The following STK3 variants were observed in gnomAD, a reference collection of about 807,000 sequenced individuals.
The protein encoded by STK3 is serine/threonine-protein kinase 3.
STK3 carries 41 observed loss-of-function variants against 58.0 expected under a neutral mutation model. The observed-to-expected ratio is 0.71, with a 90% CI of 0.55 to 0.92. The LOEUF (loss-of-function observed/expected upper bound fraction) is 0.92, where lower values mean the gene tolerates loss of function less well. Ranked by LOEUF, STK3 falls within the 40% of genes least tolerant of loss-of-function variation. STK3 has a pLI of 0.00. For synonymous variants in STK3, 170 were observed against 191.0 expected, an observed-to-expected ratio of 0.89 and a Z score of 0.91; for missense variants, 479 against 602.7, an observed-to-expected ratio of 0.79 and a Z score of 2.15.
intron 1 of STK3, among the ~76,000 whole-genome samples, chr8:98,912,819 A>G (rs1346067469): frequency 6.6e-6 from 1 of 152,256 alleles, no homozygotes; most frequent in Non-Finnish European, 1.5e-5. Flanking sequence ...AACTCCAGCC[A>G]GGTAACCAGG....
At chr8:98,611,267 A>G (rs1817171932) in intron 6 of STK3, among the ~76,000 whole-genome samples, 1 of 152,186 alleles carries the variant, frequency 6.6e-6, no homozygotes, top group African/African-American at 2.4e-5. Context: ...ATTAGGATTA[A>G]GAAAATCAAA....
rs1410043382 is a variant in STK3, at chr8:98,611,833, T to C, written c.685-15664A>G. On this transcript the variant is annotated intron_variant, in intron 6 of 10. Transcript: ENST00000419617. Reference sequence around the variant, plus strand: ...ATATGAGTGTAAGGTGTATCAAGGGTCAAAGATCACTGCATGAATCAAACA... The same window carrying C: ...ATATGAGTGTAAGGTGTATCAAGGGCCAAAGATCACTGCATGAATCAAACA... Among the ~76,000 whole-genome samples, 5 of 152,132 alleles carry C rather than the reference T, an allele frequency of 3.3e-5. No homozygotes were observed. The East Asian group carries it at 7.7e-4, about 23-fold the overall frequency.
At chr8:98,811,545 GA>G (rs34121224) in intron 1 of STK3, among the ~76,000 whole-genome samples, 92,107 of 128,586 alleles carry the variant, frequency 0.72, 30,234 homozygotes, top group Middle Eastern at 0.79. Context: ...AAAGAAAAAA[GA>G]AAAAAAAAAA....
chr8:98,717,312 GA>G (rs1355144646), intron 4 of STK3, among the ~76,000 whole-genome samples: 3 of 151,712 alleles, frequency 2.0e-5, no homozygotes, highest in African/African-American at 7.2e-5. Context: ...AATATATAGA[GA>G]ACTCCTAAAA....
downstream of STK3, among the ~76,000 whole-genome samples, chr8:98,451,900 A>AAC (rs1819217742): frequency 1.9e-5 from 1 of 53,078 alleles, no homozygotes; most frequent in African/African-American, 5.7e-5. Context: ...AAAAAAAAAC[A>AAC]AAAAAAAAAA....
chr8:98,703,033 A>G (rs751504812), intron 6 of STK3, among the ~76,000 whole-genome samples: 2 of 152,230 alleles, frequency 1.3e-5, no homozygotes, highest in Non-Finnish European at 2.9e-5. Flanking sequence ...TCATTAGCCT[A>G]TATGTCTACC....
In STK3 at chr8:98,571,917, ACTC is replaced by A. The variant is rs1812999399; in HGVS notation, c.948+7744_948+7746del. On this transcript the variant is annotated intron_variant, in intron 8 of 10. Transcript: ENST00000419617. ...CTCCAGTGACAAGCAATTCTTCTAA[ACTC>A]CTTATCAGTCTTTTAAAGTGCTTTA... 2.6e-5 allele frequency among the ~76,000 whole-genome samples: 4 copies of A among 152,104 alleles called. No individual in the cohort carries two copies. In the South Asian group the frequency reaches 8.3e-4, roughly 32 times the overall value.
At chr8:98,695,458 T>C (rs1185336025) in intron 6 of STK3, among the ~76,000 whole-genome samples, 6 of 152,322 alleles carry the variant, frequency 3.9e-5, no homozygotes, top group African/African-American at 1.4e-4. Context: ...TAGGTTTTCT[T>C]CTAGGATTTT....
intron 10 of STK3, among the ~76,000 whole-genome samples, chr8:98,515,312 T>C (rs1400813161): frequency 6.6e-6 from 1 of 152,100 alleles, no homozygotes; most frequent in Non-Finnish European, 1.5e-5. Flanking sequence ...CTTTACCACC[T>C]AGGTTACTAC....
In STK3 at chr8:98,579,859, C is replaced by G; in HGVS notation, c.823-70G>C. ...GAATTATAGCTAACAAATGTTAAAA[C>G]AACATGTAAATGTTAACCAGGATCA... On this transcript the variant is annotated intron_variant, in intron 7 of 10. Transcript: ENST00000419617. 3.7e-6 allele frequency: 5 copies of G among 1,354,378 alleles called. No individual in the cohort carries two copies. In the South Asian group the frequency reaches 7.4e-5, roughly 20 times the overall value. The allele number at this position is 1,354,378 out of a possible 1,614,324, so 83.9% of individuals were successfully genotyped here.
intron 10 of STK3, among the ~76,000 whole-genome samples, chr8:98,521,310 ATTATT>A (rs1358940875): frequency 2.0e-5 from 3 of 151,912 alleles, no homozygotes; most frequent in Non-Finnish European, 2.9e-5. Flanking sequence ...ATCTTCCTTT[ATTATT>A]TTTTTTTGGT....
intron 4 of STK3, chr8:98,722,857 T>C (rs1292194161): frequency 2.0e-6 from 1 of 496,900 alleles, no homozygotes; most frequent in Admixed American, 2.1e-5. Flanking sequence ...TGAGAGAGGA[T>C]CTGCTTCATA....
At chr8:98,575,897 A>T (rs1388307973) in intron 8 of STK3, among the ~76,000 whole-genome samples, 1 of 152,212 alleles carries the variant, frequency 6.6e-6, no homozygotes, top group Admixed American at 6.5e-5. Context: ...TTTAATTTTG[A>T]TGAAGTTCAG....
intron 4 of STK3, among the ~76,000 whole-genome samples, chr8:98,732,029 T>C (rs1302774910): frequency 6.6e-6 from 1 of 152,096 alleles, no homozygotes; most frequent in Non-Finnish European, 1.5e-5. Flanking sequence ...CAATATGTTA[T>C]GAAAAAGGAA....
At chr8:98,663,519 G>A (rs983828227) in intron 6 of STK3, among the ~76,000 whole-genome samples, 1 of 152,142 alleles carries the variant, frequency 6.6e-6, no homozygotes, top group Admixed American at 6.6e-5. Flanking sequence ...TCCCATTGCT[G>A]GGTATATACC....
At chr8:98,444,455 G>T (rs1396448871) in intron 1 of STK3, among the ~76,000 whole-genome samples, 2 of 152,188 alleles carry the variant, frequency 1.3e-5, no homozygotes, top group Non-Finnish European at 2.9e-5. Flanking sequence ...AACAAGCCTG[G>T]CACAGAGCCC....
At chr8:98,429,580 T>C in intron 3 of STK3, 1 of 593,998 alleles carries the variant, frequency 1.7e-6, no homozygotes, top group Non-Finnish European at 3.0e-6. Flanking sequence ...AGAATCGTTT[T>C]TAGAGGGTGG....
At chr8:98,573,376 G>A (rs914472475) in intron 8 of STK3, among the ~76,000 whole-genome samples, 1 of 152,188 alleles carries the variant, frequency 6.6e-6, no homozygotes, top group Non-Finnish European at 1.5e-5. Flanking sequence ...TCACAGGGCA[G>A]CAGGAGAGAG....
At position 98,564,082 on chromosome 8, in the gene STK3, TA is replaced by T. The variant is rs1812276795; in HGVS notation, c.948+15581del. Among the ~76,000 whole-genome samples the T allele has an allele frequency of 4.6e-5, 7 of 152,266 alleles. No individual in the cohort carries two copies. The South Asian group carries it at 1.5e-3, about 32-fold the overall frequency. On this transcript the variant is annotated intron_variant, in intron 8 of 10. Transcript: ENST00000419617. ...TGATCCTGGTTAACATCAACAGTGG[TA>T]AGTCATGTTGACAGAATAATTTACT...
Sources: allele counts gnomAD v4.1 joint callset (sites outside exome capture counted in the v4.1 genomes callset), GRCh38; gene constraint gnomAD v4.1.1; transcripts MANE v1.5; gene names NCBI Gene and HGNC (gene_info 2026-07-23, HGNC 2026-07-21).